RPH3A: variants seen among roughly 807,000 people sequenced by gnomAD.
The protein encoded by RPH3A is rabphilin 3A.
In RPH3A, 48 loss-of-function variants were observed where a neutral mutation model predicts 102.2. The ratio of observed to expected loss-of-function variants is 0.47; its 90% CI spans 0.37 to 0.60. The LOEUF (loss-of-function observed/expected upper bound fraction) is 0.60. Among genes scored for constraint, RPH3A ranks in the 20% least tolerant of loss-of-function variants. RPH3A has a pLI of 0.00. For synonymous variants in RPH3A, 310 were observed against 324.3 expected (o/e 0.96, Z 0.47); for missense variants, 781 against 910.1 (o/e 0.86, Z 1.83).
intron 1 of RPH3A, among the ~76,000 whole-genome samples, chr12:112,678,083 G>A (rs2040194109): frequency 6.6e-6 from 1 of 151,782 alleles, no homozygotes; most frequent in Non-Finnish European, 1.5e-5. Context: ...TGTAGTCCCA[G>A]CTACTCAGGA....
chr12:112,681,055 G>A (rs1566256572), intron 1 of RPH3A, among the ~76,000 whole-genome samples: 1 of 152,132 alleles, frequency 6.6e-6, no homozygotes, highest in Non-Finnish European at 1.5e-5. Flanking sequence ...GGCTCTGCTG[G>A]ATTCCTCTCT....
intron 1 of RPH3A, among the ~76,000 whole-genome samples, chr12:112,675,643 T>G (rs1336990143): frequency 1.3e-5 from 2 of 152,194 alleles, no homozygotes; most frequent in Non-Finnish European, 2.9e-5. Flanking sequence ...AAAGTTTGTT[T>G]GGGAAGGTTT....
intron 2 of RPH3A, among the ~76,000 whole-genome samples, chr12:112,803,944 G>C (rs2041405228): frequency 6.6e-6 from 1 of 152,204 alleles, no homozygotes; most frequent in Non-Finnish European, 1.5e-5. Flanking sequence ...CCCTCATAGA[G>C]TGGCTGCGAG....
At chr12:112,590,931 A>C (rs1370996586) in intron 1 of RPH3A, among the ~76,000 whole-genome samples, 1 of 152,164 alleles carries the variant, frequency 6.6e-6, no homozygotes, top group Non-Finnish European at 1.5e-5. Flanking sequence ...AGTAGTTGGA[A>C]ATACAGGCAC....
intron 1 of RPH3A, among the ~76,000 whole-genome samples, chr12:112,673,858 G>C (rs1200976274): frequency 1.3e-5 from 2 of 151,772 alleles, no homozygotes; most frequent in African/African-American, 4.8e-5. Context: ...CCCAGCCTCT[G>C]GTAACAATCT....
At chr12:112,853,562 C>T (rs1195349748) in intron 5 of RPH3A, among the ~76,000 whole-genome samples, 1 of 152,172 alleles carries the variant, frequency 6.6e-6, no homozygotes, top group Non-Finnish European at 1.5e-5. Context: ...GGCATAGTGG[C>T]TCATGCCTGT....
At chr12:112,882,317 G>A (rs752762283) in intron 15 of RPH3A, among the ~76,000 whole-genome samples, 9 of 152,076 alleles carry the variant, frequency 5.9e-5, no homozygotes, top group African/African-American at 9.6e-5. Flanking sequence ...CAAGCTCACC[G>A]GCTGAGCATT....
At chr12:112,613,625 C>A (rs965089226) in intron 1 of RPH3A, among the ~76,000 whole-genome samples, 1 of 152,084 alleles carries the variant, frequency 6.6e-6, no homozygotes, top group Non-Finnish European at 1.5e-5. Flanking sequence ...CATAGTGAGA[C>A]CCTGTCTTTA....
Position 112,831,788 on chromosome 12 carries a change from C to T in RPH3A, c.71+3399C>T, listed in dbSNP as rs1486046894. The stretch of plus-strand genomic sequence containing the variant: ...GACTTTGAAGGATTGGTTGTGCTTT[C>T]AAGTGTCTGTTAAGAGTCTTAAGCC... On this transcript the variant is annotated intron_variant, in intron 3 of 21. Coordinates refer to ENST00000389385, the MANE Select transcript of RPH3A (RefSeq NM_001143854.2). 5 of 455,808 alleles carry T rather than the reference C, an allele frequency of 1.1e-5. No individual in the cohort carries two copies. The East Asian group carries it at 3.5e-4, about 32-fold the overall frequency. 28.2% of individuals were successfully genotyped at this position (455,808 alleles called of 1,614,324 possible).
intron 1 of RPH3A, among the ~76,000 whole-genome samples, chr12:112,670,388 G>T (rs2040119039): frequency 6.6e-6 from 1 of 152,018 alleles, no homozygotes; most frequent in Admixed American, 6.6e-5. Context: ...TCAACATTTT[G>T]GCCAGGCTGG....
At chr12:112,776,486 T>C (rs935413281) in intron 1 of RPH3A, among the ~76,000 whole-genome samples, 2 of 152,118 alleles carry the variant, frequency 1.3e-5, no homozygotes, top group Non-Finnish European at 2.9e-5. Flanking sequence ...CTTGGTTCTA[T>C]CTTATGTGGC....
At chr12:112,830,570 C>T (rs2041953171) in intron 3 of RPH3A, among the ~76,000 whole-genome samples, 2 of 152,020 alleles carry the variant, frequency 1.3e-5, no homozygotes, top group African/African-American at 2.4e-5. Flanking sequence ...TTTACATTTA[C>T]TGCTTTTTAT....
At chr12:112,823,350 C>A (rs1458667158) in intron 2 of RPH3A, among the ~76,000 whole-genome samples, 1 of 152,198 alleles carries the variant, frequency 6.6e-6, no homozygotes, top group East Asian at 1.9e-4. Context: ...GCTTAGCCAC[C>A]CTGAGCCTGA....
intron 1 of RPH3A, among the ~76,000 whole-genome samples, chr12:112,765,023 A>G (rs113861724): frequency 8.1e-4 from 124 of 152,236 alleles, no homozygotes; most frequent in African/African-American, 2.9e-3. Context: ...CCATAAAGGG[A>G]CTTTGTTTTG....
intron 1 of RPH3A, among the ~76,000 whole-genome samples, chr12:112,694,278 T>C (rs1306553807): frequency 6.6e-6 from 1 of 152,182 alleles, no homozygotes; most frequent in African/African-American, 2.4e-5. Flanking sequence ...GCAGGGAGTG[T>C]CTGAGTCTCA....
At chr12:112,837,759 C>A (rs1482733558) in intron 4 of RPH3A, 1 of 455,922 alleles carries the variant, frequency 2.2e-6, no homozygotes. Context: ...GTTCATGACT[C>A]CAAAAGGTCT....
intron 1 of RPH3A, among the ~76,000 whole-genome samples, chr12:112,607,334 A>C (rs1383102011): frequency 6.6e-6 from 1 of 152,238 alleles, no homozygotes; most frequent in Non-Finnish European, 1.5e-5. Flanking sequence ...ACTTGTAATA[A>C]TTTTAGATAA....
At chr12:112,604,938 C>T (rs1022420501) in intron 1 of RPH3A, among the ~76,000 whole-genome samples, 3 of 152,200 alleles carry the variant, frequency 2.0e-5, no homozygotes, top group Admixed American at 1.3e-4. Flanking sequence ...GGAAACCTTC[C>T]GTGACCTAGC....
At chr12:112,649,703 G>A (rs1484278046) in intron 1 of RPH3A, among the ~76,000 whole-genome samples, 1 of 152,158 alleles carries the variant, frequency 6.6e-6, no homozygotes, top group East Asian at 1.9e-4. Context: ...AGCCTGTTAC[G>A]GCTGCCATAA....
Sources: gnomAD v4.1 joint callset for allele counts (sites outside exome capture counted in the v4.1 genomes callset) on GRCh38, gnomAD v4.1.1 for gene constraint, MANE v1.5 for transcripts, NCBI Gene and HGNC (gene_info 2026-07-23, HGNC 2026-07-21) for gene names.